The following ANKIB1 variants were observed in gnomAD, a reference collection of about 807,000 sequenced individuals.
ANKIB1 encodes ankyrin repeat and IBR domain containing 1, also known as ankyrin repeat and IBR domain-containing protein 1.
A neutral mutation model predicts 122.1 loss-of-function variants in ANKIB1; 43 were observed. The ratio of observed to expected loss-of-function variants is 0.35; its 90% CI spans 0.28 to 0.45. The LOEUF is 0.45. ANKIB1 is among the 20% of genes least tolerant of loss of function. The pLI is 1.00. For missense variants in ANKIB1, 992 were observed against 1,329.5 expected (o/e 0.75, Z 3.95); for synonymous variants, 390 against 442.0 (o/e 0.88, Z 1.48).
intron 2 of ANKIB1, 40 bp downstream of exon 2, chr7:92,295,206 C>T (rs553057608): frequency 2.6e-5 from 35 of 1,337,542 alleles, no homozygotes; most frequent in East Asian, 1.6e-4. Context: ...AGGGTATTAC[C>T]GTAAACTAAT....
intron 11 of ANKIB1, among the ~76,000 whole-genome samples, chr7:92,372,860 T>A (rs1478720623): frequency 6.6e-6 from 1 of 152,104 alleles, no homozygotes; most frequent in Non-Finnish European, 1.5e-5. Flanking sequence ...TATAAAATGA[T>A]TATTTAAAGT....
In ANKIB1 at chr7:92,295,114, C is replaced by T. The variant is rs1365343695; in HGVS notation, c.136C>T (p.His46Tyr). The change falls in exon 2 of 20, where the codon CAC (histidine) becomes TAC (tyrosine). Residue 46 changes from histidine (H) to tyrosine (Y), a missense_variant. By Grantham distance (83) the His-to-Tyr change is moderately conservative (BLOSUM62 2). Transcript: ENST00000265742. ...TACATCTTATGGGGAGCCCTACCAG[C>T]ACAATACTCCATTACATTATGCTGC... ...PNTSYGEPYQ[H>Y]NTPLHYAARH... The T allele has an allele frequency of 6.4e-7, 1 of 1,573,734 alleles. No homozygotes were observed. The highest frequency in any genetic ancestry group is 8.6e-7 in the Non-Finnish European group (1 of 1,158,530).
chr7:92,364,791 A>G (rs1048796287), intron 10 of ANKIB1, among the ~76,000 whole-genome samples: 1 of 152,228 alleles, frequency 6.6e-6, no homozygotes, highest in East Asian at 1.9e-4. Flanking sequence ...TTTTATCAAG[A>G]TAACTGATGA....
At chr7:92,275,238 A>T (rs553654411) in intron 1 of ANKIB1, among the ~76,000 whole-genome samples, 1 of 152,004 alleles carries the variant, frequency 6.6e-6, no homozygotes, top group African/African-American at 2.4e-5. Flanking sequence ...TTCTCACTTA[A>T]TGGGATTTCA....
intron 1 of ANKIB1, among the ~76,000 whole-genome samples, chr7:92,267,086 T>G (rs1174931762): frequency 6.6e-6 from 1 of 152,026 alleles, no homozygotes; most frequent in Non-Finnish European, 1.5e-5. Context: ...GAAGAGCAAA[T>G]GGGAAATGAT....
rs1187976720 is a variant in ANKIB1 at position 92,390,049 on chromosome 7, G to C, written c.1985G>C (p.Cys662Ser). 6.2e-7 allele frequency: 1 copy of C among 1,603,692 alleles called. No homozygotes were observed. The highest frequency in any genetic ancestry group is 1.3e-5 in the African/African-American group (1 of 74,386). ...VLLKTRRILK[C>S]SYPYGFFLEP... ...TTAAAAACTCGGCGCATTCTCAAGT[G>C]TTCTTATCCATATGGATTTTTCTTG... Residue 662 changes from cysteine (C) to serine (S), a missense_variant, in exon 15 of 20, where the codon TGT becomes TCT. Coordinates refer to ENST00000265742, the MANE Select transcript of ANKIB1 (RefSeq NM_019004.2).
At position 92,344,385 on chromosome 7, in the gene ANKIB1, G is replaced by A. The variant is rs369873950; in HGVS notation, c.997-593G>A. ...ACACCCAGCTAATTTTTGTATTTTTGGTAGAGACAGGGTTTCACCATGTTG... is the reference window on the plus strand; with the variant it reads ...ACACCCAGCTAATTTTTGTATTTTTAGTAGAGACAGGGTTTCACCATGTTG... On this transcript the variant is annotated intron_variant, in intron 6 of 19. Transcript: ENST00000265742. Among the ~76,000 whole-genome samples, 48 of 151,212 alleles carry A rather than the reference G, an allele frequency of 3.2e-4. 1 individual carries two copies. The highest frequency in any genetic ancestry group is 9.9e-4 in the African/African-American group (41 of 41,234).
rs201112442 is a variant in ANKIB1 at position 92,393,326 on chromosome 7, A to G, written c.2283+1034A>G. On this transcript the variant is annotated intron_variant, in intron 17 of 19. Transcript: ENST00000265742. ...GCCCTGATCTGGACATTTTAAATTC[A>G]CTTAAATTGTTTTAAAAATTGTGAT... Among the ~76,000 whole-genome samples, 9 of 152,188 alleles carry G rather than the reference A, an allele frequency of 5.9e-5. No individual in the cohort carries two copies. In the East Asian group the frequency reaches 1.5e-3, roughly 26 times the overall value.
intron 10 of ANKIB1, among the ~76,000 whole-genome samples, chr7:92,366,045 G>A (rs947939438): frequency 1.3e-5 from 2 of 151,846 alleles, no homozygotes; most frequent in African/African-American, 2.4e-5. Flanking sequence ...GCCTGCCTCA[G>A]CCTCCCAAAG....
intron 5 of ANKIB1, among the ~76,000 whole-genome samples, chr7:92,334,836 T>C (rs1166685373): frequency 6.6e-6 from 1 of 152,010 alleles, no homozygotes; most frequent in Non-Finnish European, 1.5e-5. Flanking sequence ...ACTCTGTTGC[T>C]GTTTGCACCA....
intron 6 of ANKIB1, 30 bp downstream of exon 6, chr7:92,343,262 T>C: frequency 6.4e-7 from 1 of 1,565,546 alleles, no homozygotes; most frequent in African/African-American, 1.4e-5. Context: ...GTACTTCTCA[T>C]AGCTTTGTTT....
chr7:92,258,567 T>TTA (rs1209526440), intron 1 of ANKIB1, among the ~76,000 whole-genome samples: 1 of 152,188 alleles, frequency 6.6e-6, no homozygotes. Flanking sequence ...ATGGTACTGG[T>TTA]TATATACGAT....
At position 92,358,013 on chromosome 7, in the gene ANKIB1, C is replaced by A. The variant is rs574495036; in HGVS notation, c.1398-4172C>A. Among the ~76,000 whole-genome samples, 29 of 152,146 alleles carry A rather than the reference C, an allele frequency of 1.9e-4. 1 individual carries two copies. Among genetic ancestry groups the A allele is most frequent in the Middle Eastern group, 3.4e-3 (1 of 294 alleles). ...ATCCCAGCACTTTGGGAGGCCGAGG[C>A]GGGCATATCACAAGGTCAGGAGTTC... On this transcript the variant is annotated intron_variant, in intron 9 of 19. Coordinates refer to ENST00000265742, the MANE Select transcript of ANKIB1 (RefSeq NM_019004.2).
intron 1 of ANKIB1, among the ~76,000 whole-genome samples, chr7:92,284,486 T>C (rs1283917744): frequency 1.3e-5 from 2 of 152,270 alleles, no homozygotes; most frequent in Non-Finnish European, 2.9e-5. Context: ...TTATTGTTAT[T>C]GTTTGTTTCC....
chr7:92,395,118 C>T (rs1804859567), intron 17 of ANKIB1, among the ~76,000 whole-genome samples: 2 of 152,180 alleles, frequency 1.3e-5, no homozygotes, highest in Non-Finnish European at 2.9e-5. Context: ...CTCCTCTCTT[C>T]TCTTCCCTTC....
chr7:92,285,137 G>A (rs980600920), intron 1 of ANKIB1, among the ~76,000 whole-genome samples: 2 of 151,940 alleles, frequency 1.3e-5, no homozygotes, highest in African/African-American at 4.8e-5. Context: ...GCACTATCTC[G>A]GCTCACTGCA....
At chr7:92,259,922 A>G (rs1801525396) in intron 1 of ANKIB1, among the ~76,000 whole-genome samples, 2 of 152,310 alleles carry the variant, frequency 1.3e-5, no homozygotes, top group Admixed American at 6.5e-5. Context: ...AATCCAACTA[A>G]GAATTCACCA....
chr7:92,311,294 A>G (rs1802686626), intron 3 of ANKIB1, among the ~76,000 whole-genome samples: 1 of 152,122 alleles, frequency 6.6e-6, no homozygotes, highest in Admixed American at 6.5e-5. Context: ...CCTCAGAGTA[A>G]CTATCCATGG....
chr7:92,344,849 A>G, intron 6 of ANKIB1, 129 bp from the exon 7 acceptor site: 1 of 634,378 alleles, frequency 1.6e-6, no homozygotes, highest in Non-Finnish European at 2.7e-6. Flanking sequence ...TAAAACTTTG[A>G]AAGAGGTAAC....
Sources: gnomAD v4.1 joint callset for allele counts (sites outside exome capture counted in the v4.1 genomes callset) on GRCh38, gnomAD v4.1.1 for gene constraint, MANE v1.5 for transcripts, NCBI Gene and HGNC (gene_info 2026-07-23, HGNC 2026-07-21) for gene names.